The following PIEZO2 variants were observed in gnomAD, a reference collection of about 807,000 sequenced individuals.
PIEZO2 encodes the protein piezo type mechanosensitive ion channel component 2.
PIEZO2 carries 172 observed loss-of-function variants against 337.3 expected under a neutral mutation model. The observed-to-expected ratio is 0.51, with a 90% CI of 0.45 to 0.58. The LOEUF is 0.58. Ranked by LOEUF, PIEZO2 falls within the 20% of genes least tolerant of loss-of-function variation. The probability of loss-of-function intolerance (pLI) is 0.00; values close to 1 mark genes in which losing one functional copy is unlikely to be tolerated. For missense variants in PIEZO2, 3,028 were observed against 3,391.3 expected, an observed-to-expected ratio of 0.89 and a Z score of 2.66; for synonymous variants, 1,251 against 1,228.5, an observed-to-expected ratio of 1.02 and a Z score of -0.38.
At chr18:11,023,813 G>A (rs949525325) in intron 2 of PIEZO2, among the ~76,000 whole-genome samples, 2 of 152,226 alleles carry the variant, frequency 1.3e-5, no homozygotes, top group African/African-American at 2.4e-5. Context: ...GCTAAGGCCC[G>A]GCGAGAATTC....
In PIEZO2 at chr18:11,032,208, G is replaced by A. The variant is rs907924511; in HGVS notation, c.160+33919C>T. 6.6e-6 allele frequency among the ~76,000 whole-genome samples: 1 copy of A among 152,192 alleles called. No homozygotes were observed. The highest frequency in any genetic ancestry group is 2.4e-5 in the African/African-American group (1 of 41,446). ...TGAACACAGCAGCAGAGAGCCTTAT[G>A]TCTCAACATTGATTCTCGGGTCTCC... On this transcript the variant is annotated intron_variant, in intron 2 of 55. Transcript: ENST00000674853. This position sits in a 1 kb window ranked among gnomAD's most constrained non-coding sequence, Gnocchi z 4.9.
intron 1 of PIEZO2, among the ~76,000 whole-genome samples, chr18:11,114,217 T>C (rs1380337755): frequency 6.6e-6 from 1 of 152,198 alleles, no homozygotes; most frequent in African/African-American, 2.4e-5. Flanking sequence ...AAGTTCCAAA[T>C]TTTTGAATCT....
In PIEZO2 at chr18:11,132,931, A is replaced by G. The variant is rs2040380806; in HGVS notation, c.64+15594T>C. ...AACAGCCCAAACCAGGCAGCACTAC[A>G]AATGACCCAAACCCTTCAGGAATGA... On this transcript the variant is annotated intron_variant, in intron 1 of 55. Transcript: ENST00000674853. This position sits in a 1 kb window ranked among gnomAD's most constrained non-coding sequence, Gnocchi z 4.7. Among the ~76,000 whole-genome samples the G allele has an allele frequency of 6.6e-6, 1 of 152,100 alleles. No individual in the cohort carries two copies. Among genetic ancestry groups the G allele is most frequent in the African/African-American group, 2.4e-5 (1 of 41,410 alleles).
At chr18:10,687,091 A>G (rs2034577074) in intron 49 of PIEZO2, among the ~76,000 whole-genome samples, 1 of 152,094 alleles carries the variant, frequency 6.6e-6, no homozygotes, top group African/African-American at 2.4e-5. Context: ...TCTGTCATAT[A>G]TATTGAATTT....
At chr18:10,733,273 A>G (rs1264972753) in intron 35 of PIEZO2, among the ~76,000 whole-genome samples, 2 of 152,132 alleles carry the variant, frequency 1.3e-5, no homozygotes, top group Non-Finnish European at 2.9e-5. Context: ...AGGGAGTCAT[A>G]GGGTAATTCC....
At chr18:11,051,843 A>G (rs2037548098) in intron 2 of PIEZO2, among the ~76,000 whole-genome samples, 1 of 152,222 alleles carries the variant, frequency 6.6e-6, no homozygotes. Flanking sequence ...AGAATTTATG[A>G]CCTGGTGCAT....
rs1598789405 is a variant in PIEZO2, at chr18:10,988,523, T to C, written c.161-8863A>G. ...AACTTGGTAGCTCCATTATGAAAAA[T>C]AGTATGGAGATTCTTAAAAATTAAA... is the stretch of plus-strand genomic sequence containing the variant. On this transcript the variant is annotated intron_variant, in intron 2 of 55. Coordinates refer to ENST00000674853, the MANE Select transcript of PIEZO2 (RefSeq NM_001378183.1). This position sits in a 1 kb window ranked among gnomAD's most constrained non-coding sequence, Gnocchi z 4.8. Among the ~76,000 whole-genome samples, 1 of 152,090 alleles carries C rather than the reference T, an allele frequency of 6.6e-6. No individual in the cohort carries two copies. The highest frequency in any genetic ancestry group is 2.4e-5 in the African/African-American group (1 of 41,416).
At chr18:11,007,331 T>A (rs1239451740) in intron 2 of PIEZO2, among the ~76,000 whole-genome samples, 2 of 152,208 alleles carry the variant, frequency 1.3e-5, no homozygotes, top group Non-Finnish European at 2.9e-5. Context: ...TTTTCTAGCA[T>A]AAAATATAGG....
chr18:10,693,024 A>C (rs2034919011), intron 47 of PIEZO2, among the ~76,000 whole-genome samples: 1 of 152,050 alleles, frequency 6.6e-6, no homozygotes, highest in South Asian at 2.1e-4. Flanking sequence ...AGTCTTCTTG[A>C]TTTATTTAGG....
At chr18:10,949,309 C>A (rs1026312832) in intron 3 of PIEZO2, among the ~76,000 whole-genome samples, 3 of 152,140 alleles carry the variant, frequency 2.0e-5, no homozygotes, top group African/African-American at 7.2e-5. Flanking sequence ...CAATGCAATA[C>A]ACCCTACAAA....
chr18:10,858,323 A>C (rs1163513144), intron 5 of PIEZO2, among the ~76,000 whole-genome samples: 20 of 14,318 alleles, frequency 1.4e-3, no homozygotes, highest in African/African-American at 3.6e-3. Flanking sequence ...CTTCAACCCA[A>C]AAAAAAAAAA....
Position 10,726,466 on chromosome 18 carries a change from G to A in PIEZO2, c.5029+4941C>T, listed in dbSNP as rs1252973958. ...CTACGGCCGGCGAACCCCACGAGGAGGGCCTGGCCACCCTGCACAGCGTGC... is the reference window on the plus strand; with the variant it reads ...CTACGGCCGGCGAACCCCACGAGGAAGGCCTGGCCACCCTGCACAGCGTGC... On this transcript the variant is annotated intron_variant, in intron 36 of 55. Transcript: ENST00000674853. This position sits in a 1 kb window ranked among gnomAD's most constrained non-coding sequence, Gnocchi z 5.9. 5 of 1,528,138 alleles carry A rather than the reference G, an allele frequency of 3.3e-6. No individual in the cohort carries two copies. Among genetic ancestry groups the A allele is most frequent in the Non-Finnish European group, 4.4e-6 (5 of 1,143,910 alleles). 94.7% of individuals were successfully genotyped at this position (1,528,138 alleles called of 1,614,324 possible).
At chr18:10,879,620 C>T (rs1489618212) in intron 4 of PIEZO2, among the ~76,000 whole-genome samples, 4 of 152,090 alleles carry the variant, frequency 2.6e-5, no homozygotes, top group Non-Finnish European at 4.4e-5. Context: ...TGGTCTCGAT[C>T]TCCTGACCTC....
At chr18:10,820,271 C>A (rs957036210) in intron 7 of PIEZO2, among the ~76,000 whole-genome samples, 8 of 151,358 alleles carry the variant, frequency 5.3e-5, no homozygotes, top group Non-Finnish European at 1.2e-4. Context: ...TTGTCTATGC[C>A]CACATCTTTC....
intron 38 of PIEZO2, 100 bp from the exon 39 acceptor site, chr18:10,715,030 C>A (rs2035957689): frequency 8.2e-7 from 1 of 1,221,946 alleles, no homozygotes; most frequent in Non-Finnish European, 1.1e-6. Context: ...CCCATGCATG[C>A]CTGGATAAGG....
intron 3 of PIEZO2, among the ~76,000 whole-genome samples, chr18:10,921,309 C>T (rs2031382109): frequency 6.6e-6 from 1 of 151,948 alleles, no homozygotes; most frequent in South Asian, 2.1e-4. Flanking sequence ...AGTTAGGGAC[C>T]CCAAACAGAG....
rs2040894460 is a variant in PIEZO2, at chr18:11,149,309, C to G, written c.-721G>C. Among the ~76,000 whole-genome samples the G allele has an allele frequency of 6.6e-6, 1 of 151,348 alleles. No homozygotes were observed. The highest frequency in any genetic ancestry group is 1.5e-5 in the Non-Finnish European group (1 of 67,810). On this transcript the variant is annotated 5_prime_UTR_variant, in exon 1 of 56. Coordinates refer to ENST00000674853, the MANE Select transcript of PIEZO2 (RefSeq NM_001378183.1). The surrounding 1 kb of genome is among the most constrained non-coding windows in gnomAD (Gnocchi z 8.7). ...ACCATCCCCGCCACCACGGGGCTCG[C>G]CTTGTGGGTCCGGTGCGCGGGCGGC... is the stretch of plus-strand genomic sequence containing the variant.
intron 36 of PIEZO2, among the ~76,000 whole-genome samples, chr18:10,722,639 T>C (rs901183017): frequency 6.6e-6 from 1 of 152,112 alleles, no homozygotes; most frequent in African/African-American, 2.4e-5. Context: ...ATACCATAAC[T>C]AAATCAAAAT....
At chr18:10,927,035 C>A (rs572718940) in intron 3 of PIEZO2, among the ~76,000 whole-genome samples, 1 of 152,276 alleles carries the variant, frequency 6.6e-6, no homozygotes, top group South Asian at 2.1e-4. Context: ...CACTTAGTGG[C>A]CACAAGGACC....
Sources: gnomAD v4.1 joint callset for allele counts (sites outside exome capture counted in the v4.1 genomes callset) on GRCh38, gnomAD v4.1.1 for gene constraint, Gnocchi (gnomAD v3.1) non-coding constraint, MANE v1.5 for transcripts, NCBI Gene and HGNC (gene_info 2026-07-23, HGNC 2026-07-21) for gene names.